The following CDC23 variants were observed in gnomAD, a reference collection of about 807,000 sequenced individuals.
The protein encoded by CDC23 is cell division cycle 23.
A neutral mutation model predicts 81.7 loss-of-function variants in CDC23; 26 were observed. That is an observed-to-expected ratio of 0.32 (90% CI 0.23 to 0.44). The LOEUF is 0.44. Among genes scored for constraint, CDC23 ranks in the 20% least tolerant of loss-of-function variants. The pLI is 1.00. For missense variants in CDC23, 519 were observed against 728.0 expected (o/e 0.71, Z 3.30); for synonymous variants, 267 against 270.8 (o/e 0.99, Z 0.14).
At chr5:138,209,307 A>C (rs1342451101) in intron 2 of CDC23, among the ~76,000 whole-genome samples, 2 of 151,870 alleles carry the variant, frequency 1.3e-5, no homozygotes, top group African/African-American at 4.8e-5. Context: ...GAGCACCTGT[A>C]ATCCCAGCTA....
chr5:138,187,661 A>AT lies in CDC23; in HGVS notation c.*1316dup, dbSNP rs1754769540. The AT allele has an allele frequency of 5.9e-6, 2 of 337,086 alleles. No homozygotes were observed. Among genetic ancestry groups the AT allele is most frequent in the African/African-American group, 2.1e-5 (1 of 47,192 alleles). 20.9% of individuals were successfully genotyped at this position (337,086 alleles called of 1,614,324 possible). On this transcript the variant is annotated 3_prime_UTR_variant, in exon 16 of 16. Coordinates refer to ENST00000394886, the MANE Select transcript of CDC23 (RefSeq NM_004661.4). ...TTATATTAAAGATATTATTGTTCAC[A>AT]TTTTTTATTGAATTCCAAATGTAGC...
At chr5:138,212,361 C>T (rs1755122800) in intron 2 of CDC23, among the ~76,000 whole-genome samples, 1 of 152,208 alleles carries the variant, frequency 6.6e-6, no homozygotes, top group Admixed American at 6.5e-5. Flanking sequence ...GCTCTGCCCT[C>T]GGGCTGGAGT....
chr5:138,198,392 G>A (rs1382404567), intron 8 of CDC23, 34 bp downstream of exon 8: 2 of 1,601,968 alleles, frequency 1.2e-6, no homozygotes, highest in Non-Finnish European at 1.7e-6. Context: ...GCACAAAAGA[G>A]CTTAATCAAA....
At chr5:138,193,592 T>A (rs1343799308) in intron 9 of CDC23, among the ~76,000 whole-genome samples, 1 of 139,338 alleles carries the variant, frequency 7.2e-6, no homozygotes, top group Non-Finnish European at 1.5e-5. Context: ...CAAAACAACA[T>A]CTTAAAAAAA....
chr5:138,201,491 G>T, intron 4 of CDC23, 43 bp from the exon 5 acceptor site: 1 of 1,290,606 alleles, frequency 7.7e-7, no homozygotes, highest in Non-Finnish European at 1.1e-6. Context: ...TAGGATGCTG[G>T]TTTTCATTTT....
chr5:138,204,047 G>A (rs1755020268), intron 3 of CDC23, among the ~76,000 whole-genome samples: 1 of 152,152 alleles, frequency 6.6e-6, no homozygotes, highest in Non-Finnish European at 1.5e-5. Flanking sequence ...ATTCTAAAGA[G>A]AACAAATTAA....
rs1296321059 is a variant in CDC23 at position 138,191,934 on chromosome 5, G to A, written c.1290C>T (p.Pro430=). Residue 430 remains proline (P), a synonymous_variant, in exon 12 of 16, where the codon CCC becomes CCT. Coordinates refer to ENST00000394886, the MANE Select transcript of CDC23 (RefSeq NM_004661.4). ...AAGCAACCAGCATGCGAGAATCATT[G>A]GGTCTGAGAAAGAAGAACAGGCAGT... The part of the protein sequence containing the change: ...YYYRRAHQLR[P]NDSRMLVALG... The A allele has an allele frequency of 6.2e-7, 1 of 1,613,974 alleles. No homozygotes were observed. Among genetic ancestry groups the A allele is most frequent in the Admixed American group, 1.7e-5 (1 of 60,014 alleles).
intron 2 of CDC23, among the ~76,000 whole-genome samples, chr5:138,212,534 T>A (rs1755124984): frequency 7.3e-6 from 1 of 136,112 alleles, no homozygotes; most frequent in African/African-American, 2.5e-5. Context: ...GCCAAGCTGG[T>A]CTCGAACTCC....
Position 138,212,867 on chromosome 5 carries a change from C to T in CDC23, c.234+124G>A, listed in dbSNP as rs1003780992. 14 of 736,026 alleles carry T rather than the reference C, an allele frequency of 1.9e-5. No homozygotes were observed. In the African/African-American group the frequency reaches 2.3e-4, roughly 12 times the overall value. 45.6% of individuals were successfully genotyped at this position (736,026 alleles called of 1,614,324 possible). A position where few individuals can be genotyped will look rare whatever the true frequency, so the allele number is the denominator to read the frequency against. On this transcript the variant is annotated intron_variant, in intron 2 of 15. Transcript: ENST00000394886. ...TTTAAAACACTCAGCTCTTTGAATG[C>T]CTGAATTCCCTCTACAAACATTTCT... is the stretch of plus-strand genomic sequence containing the variant.
Position 138,190,402 on chromosome 5 carries a change from G to C in CDC23, c.1425-496C>G, listed in dbSNP as rs191677812. The stretch of plus-strand genomic sequence containing the variant: ...TAACTTGGAAGGTGGAGGTTGCAGT[G>C]AGCCAAGATCATACCACTACACTCC... On this transcript the variant is annotated intron_variant, in intron 13 of 15. Transcript: ENST00000394886. Among the ~76,000 whole-genome samples the C allele has an allele frequency of 6.4e-3, 967 of 150,488 alleles. 7 individuals are homozygous for C. The highest frequency in any genetic ancestry group is 0.017 in the Middle Eastern group (5 of 290).
intron 2 of CDC23, among the ~76,000 whole-genome samples, chr5:138,210,114 G>A (rs1404370175): frequency 6.6e-6 from 1 of 151,798 alleles, no homozygotes; most frequent in African/African-American, 2.4e-5. Flanking sequence ...TACTCAGGAG[G>A]CTGGGACAGG....
At position 138,189,756 on chromosome 5, in the gene CDC23, GA is replaced by G. The variant is rs796691638; in HGVS notation, c.1504-5del. The G allele has an allele frequency of 6.2e-6, 10 of 1,613,350 alleles. No homozygotes were observed. The African/African-American group carries it at 1.3e-4, about 22-fold the overall frequency. ...CCTCCAAGTGTTCTACTATTTCCTA[GA>G]AAGGGAAAGCAAAATTACTGAGGTG... is the stretch of plus-strand genomic sequence containing the variant. On this transcript the variant is annotated splice_polypyrimidine_tract_variant and splice_region_variant and intron_variant, in intron 14 of 15. Coordinates refer to ENST00000394886, the MANE Select transcript of CDC23 (RefSeq NM_004661.4).
chr5:138,211,576 T>A (rs146646013), intron 2 of CDC23, among the ~76,000 whole-genome samples: 3 of 151,914 alleles, frequency 2.0e-5, no homozygotes, highest in Non-Finnish European at 4.4e-5. Flanking sequence ...GGCAGGAGAA[T>A]TGCTTGAACC....
chr5:138,198,359 G>A, intron 8 of CDC23, 67 bp downstream of exon 8: 1 of 1,580,582 alleles, frequency 6.3e-7, no homozygotes, highest in Non-Finnish European at 8.7e-7. Context: ...ATACAAGTGG[G>A]TGACAATCCA....
chr5:138,197,305 A>T (rs1337752532), intron 9 of CDC23, among the ~76,000 whole-genome samples: 1 of 71,250 alleles, frequency 1.4e-5, no homozygotes, highest in Non-Finnish European at 3.6e-5. Flanking sequence ...CTCTGTCACC[A>T]AAAAAAAAAA....
chr5:138,191,325 C>G (rs947325439), intron 13 of CDC23, 149 bp downstream of exon 13: 1 of 755,828 alleles, frequency 1.3e-6, no homozygotes, highest in Non-Finnish European at 2.4e-6. Context: ...AACAAGATGG[C>G]TACATTCACA....
chr5:138,198,359 G>T, intron 8 of CDC23, 67 bp downstream of exon 8: 1 of 1,580,580 alleles, frequency 6.3e-7, no homozygotes, highest in Non-Finnish European at 8.7e-7. Flanking sequence ...ATACAAGTGG[G>T]TGACAATCCA....
At chr5:138,208,000 C>T (rs1386994464) in intron 2 of CDC23, among the ~76,000 whole-genome samples, 2 of 151,130 alleles carry the variant, frequency 1.3e-5, no homozygotes, top group Non-Finnish European at 2.9e-5. Flanking sequence ...CTCGCTCTGT[C>T]GCCTAGGATG....
intron 4 of CDC23, among the ~76,000 whole-genome samples, chr5:138,201,805 C>A (rs961208066): frequency 6.6e-6 from 1 of 152,212 alleles, no homozygotes; most frequent in African/African-American, 2.4e-5. Flanking sequence ...TAGACCCACA[C>A]AGTTTTTATT....
Sources: allele counts gnomAD v4.1 joint callset (sites outside exome capture counted in the v4.1 genomes callset), GRCh38; gene constraint gnomAD v4.1.1; transcripts MANE v1.5; gene names NCBI Gene and HGNC (gene_info 2026-07-23, HGNC 2026-07-21).